ADAMTS12: variants seen among roughly 807,000 people sequenced by gnomAD.
The protein encoded by ADAMTS12 is ADAM metallopeptidase with thrombospondin type 1 motif 12, also known as A disintegrin and metalloproteinase with thrombospondin motifs 12.
In ADAMTS12, 118 loss-of-function variants were observed where a neutral mutation model predicts 167.8. The ratio of observed to expected loss-of-function variants is 0.70; its 90% CI spans 0.61 to 0.82. ADAMTS12 has a LOEUF of 0.82. ADAMTS12 is among the 40% of genes least tolerant of loss of function. ADAMTS12 has a pLI of 0.00. For missense variants in ADAMTS12, 1,916 were observed against 1,998.8 expected, an observed-to-expected ratio of 0.96 and a Z score of 0.79; for synonymous variants, 704 against 716.9, an observed-to-expected ratio of 0.98 and a Z score of 0.29.
intron 2 of ADAMTS12, among the ~76,000 whole-genome samples, chr5:33,782,828 T>C (rs1331682012): frequency 6.6e-6 from 1 of 151,988 alleles, no homozygotes; most frequent in East Asian, 1.9e-4. Flanking sequence ...TTATGCAAAA[T>C]TATTGCTTCA....
In ADAMTS12 at chr5:33,572,118, C is replaced by T. The variant is rs928643391; in HGVS notation, c.3972+3936G>A. Among the ~76,000 whole-genome samples, 86 of 152,202 alleles carry T rather than the reference C, an allele frequency of 5.7e-4. 1 individual carries two copies. The highest frequency in any genetic ancestry group is 2.1e-3 in the African/African-American group (86 of 41,524). ...GGGGCAATAATCAATAGCTTACCAA[C>T]CAAAAAGAGTCCAGGACCAGATGGA... On this transcript the variant is annotated intron_variant, in intron 19 of 23. Transcript: ENST00000504830.
At chr5:33,723,295 T>G (rs1743867062) in intron 3 of ADAMTS12, among the ~76,000 whole-genome samples, 1 of 152,222 alleles carries the variant, frequency 6.6e-6, no homozygotes. Flanking sequence ...CTCCCTTTTG[T>G]GTAAGAGGAA....
chr5:33,534,993 C>T lies in ADAMTS12; in HGVS notation c.4447-1G>A, dbSNP rs1435061005. 1 of 1,599,742 alleles carries T rather than the reference C, an allele frequency of 6.3e-7. No individual in the cohort carries two copies. Among genetic ancestry groups the T allele is most frequent in the African/African-American group, 1.3e-5 (1 of 74,220 alleles). ...AGCCACCTCCACAGGAAGTGGAACACTGAAAGAGAAGGTGAACAGAGAGTC... is the reference window on the plus strand; with the variant it reads ...AGCCACCTCCACAGGAAGTGGAACATTGAAAGAGAAGGTGAACAGAGAGTC... On this transcript the variant is annotated splice_acceptor_variant, in intron 22 of 23. Transcript: ENST00000504830. LOFTEE classifies it high-confidence loss of function.
At position 33,527,508 on chromosome 5, in the gene ADAMTS12, A is replaced by G. The variant is rs187445797; in HGVS notation, c.4607-142T>C. On this transcript the variant is annotated intron_variant, in intron 23 of 23. Coordinates refer to ENST00000504830, the MANE Select transcript of ADAMTS12 (RefSeq NM_030955.4). The stretch of plus-strand genomic sequence containing the variant: ...ATTCATAATAGGTGGTATCTACTGA[A>G]TGTTTATTATGTATCAGACGCTGTG... The G allele has an allele frequency of 7.8e-5, 60 of 770,272 alleles. No individual in the cohort carries two copies. In the Admixed American group the frequency reaches 1.1e-3, roughly 14 times the overall value. The allele number at this position is 770,272 out of a possible 1,614,324, so 47.7% of individuals were successfully genotyped here.
chr5:33,844,717 T>C (rs575627156), intron 2 of ADAMTS12, among the ~76,000 whole-genome samples: 2 of 152,322 alleles, frequency 1.3e-5, no homozygotes, highest in South Asian at 4.1e-4. Flanking sequence ...GTGAAGCACG[T>C]GATCTCTGTG....
intron 2 of ADAMTS12, among the ~76,000 whole-genome samples, chr5:33,766,318 A>G (rs867034265): frequency 2.6e-5 from 4 of 152,198 alleles, no homozygotes; most frequent in Non-Finnish European, 4.4e-5. Context: ...TCCAAAATCC[A>G]TAACCCCAGT....
intron 19 of ADAMTS12, among the ~76,000 whole-genome samples, chr5:33,574,297 C>T (rs550174775): frequency 9.2e-5 from 14 of 151,980 alleles, no homozygotes; most frequent in African/African-American, 2.9e-4. Flanking sequence ...CACATGCACA[C>T]GTATGTTTAG....
intron 16 of ADAMTS12, among the ~76,000 whole-genome samples, chr5:33,609,387 T>G (rs1246884329): frequency 7.3e-6 from 1 of 136,850 alleles, no homozygotes; most frequent in Non-Finnish European, 1.6e-5. Context: ...TTTTTTTTTT[T>G]GGAGAGAGGT....
intron 2 of ADAMTS12, among the ~76,000 whole-genome samples, chr5:33,827,152 T>G: frequency 3.0e-5 from 1 of 32,998 alleles, no homozygotes; most frequent in Non-Finnish European, 1.0e-4. Flanking sequence ...GGGGAAGCAC[T>G]TTCAGAATTG....
chr5:33,626,606 G>T (rs1215752978), intron 13 of ADAMTS12, among the ~76,000 whole-genome samples: 1 of 151,280 alleles, frequency 6.6e-6, no homozygotes, highest in South Asian at 2.1e-4. Flanking sequence ...GATGGTGGTG[G>T]TGGTGGTGAG....
At chr5:33,694,135 C>A (rs1490508095) in intron 3 of ADAMTS12, among the ~76,000 whole-genome samples, 1 of 152,186 alleles carries the variant, frequency 6.6e-6, no homozygotes, top group African/African-American at 2.4e-5. Context: ...TTACAAAATA[C>A]TGCTCAAAGA....
At chr5:33,874,428 A>G (rs1309286560) in intron 2 of ADAMTS12, among the ~76,000 whole-genome samples, 2 of 152,242 alleles carry the variant, frequency 1.3e-5, no homozygotes, top group East Asian at 1.9e-4. Flanking sequence ...CACTGACAAT[A>G]CCAAATGCTG....
chr5:33,769,945 C>A (rs991556997), intron 2 of ADAMTS12, among the ~76,000 whole-genome samples: 7 of 152,116 alleles, frequency 4.6e-5, no homozygotes, highest in Non-Finnish European at 7.3e-5. Flanking sequence ...TGTATATACC[C>A]TTCTATAATT....
chr5:33,581,731 C>A (rs1416204366), intron 18 of ADAMTS12, among the ~76,000 whole-genome samples: 1 of 152,094 alleles, frequency 6.6e-6, no homozygotes, highest in Non-Finnish European at 1.5e-5. Context: ...GTCAAAATCC[C>A]AATGCCCCCA....
rs181630156 is a variant in ADAMTS12, at chr5:33,775,514, A to G, written c.490-23966T>C. 7.3e-3 allele frequency among the ~76,000 whole-genome samples: 1,115 copies of G among 152,332 alleles called. 8 individuals carry two copies. The highest frequency in any genetic ancestry group is 0.012 in the Non-Finnish European group (799 of 68,028). The stretch of plus-strand genomic sequence containing the variant: ...GTTTCTTCCAATCAAAGATGTCTGG[A>G]GAGTGATATGAACAAGGCGGTGGAA... On this transcript the variant is annotated intron_variant, in intron 2 of 23. Coordinates refer to ENST00000504830, the MANE Select transcript of ADAMTS12 (RefSeq NM_030955.4).
chr5:33,527,337 C>T lies in ADAMTS12; in HGVS notation c.4636G>A (p.Ala1546Thr), dbSNP rs1743872648. ...DLLCTKDKLS[A>T]SFCQTLKAMK... ...GCTTTCAGTGTCTGGCAGAAACTGG[C>T]TGACAGTTTGTCCTTAGTGCAAAGT... The change falls in exon 24 of 24, where the codon GCC (alanine) becomes ACC (threonine). Residue 1546 changes from alanine (A) to threonine (T), a missense_variant. Physicochemically the swap from Ala to Thr is moderately conservative, Grantham distance 58. Coordinates refer to ENST00000504830, the MANE Select transcript of ADAMTS12 (RefSeq NM_030955.4). The T allele has an allele frequency of 6.2e-7, 1 of 1,614,088 alleles. No homozygotes were observed.
intron 17 of ADAMTS12, among the ~76,000 whole-genome samples, chr5:33,594,077 A>C (rs1747782566): frequency 6.6e-6 from 1 of 152,190 alleles, no homozygotes; most frequent in Non-Finnish European, 1.5e-5. Context: ...TCTCAGCTTG[A>C]ATTGTAGCTC....
chr5:33,876,684 G>A (rs1750237554), intron 2 of ADAMTS12, among the ~76,000 whole-genome samples: 1 of 152,124 alleles, frequency 6.6e-6, no homozygotes, highest in African/African-American at 2.4e-5. Flanking sequence ...GGACTTAAAT[G>A]TAAAATATAA....
intron 2 of ADAMTS12, among the ~76,000 whole-genome samples, chr5:33,765,719 A>C (rs1166928188): frequency 6.6e-6 from 1 of 152,228 alleles, no homozygotes; most frequent in East Asian, 1.9e-4. Context: ...CCACAGAAAA[A>C]AAAATAAAGA....
Sources: gnomAD v4.1 joint callset for allele counts (sites outside exome capture counted in the v4.1 genomes callset) on GRCh38, gnomAD v4.1.1 for gene constraint, MANE v1.5 for transcripts, NCBI Gene and HGNC (gene_info 2026-07-23, HGNC 2026-07-21) for gene names.